The following ABCC1 variants were observed in gnomAD, a reference collection of about 807,000 sequenced individuals.
ABCC1 encodes the protein multidrug resistance-associated protein 1.
ABCC1 carries 83 observed loss-of-function variants against 172.9 expected under a neutral mutation model. The observed-to-expected ratio is 0.48, with a 90% CI of 0.40 to 0.58. ABCC1 has a LOEUF of 0.58. Ranked by LOEUF, ABCC1 falls within the 20% of genes least tolerant of loss-of-function variation. The probability of loss-of-function intolerance (pLI) is 0.00; values close to 1 mark genes in which losing one functional copy is unlikely to be tolerated. For synonymous variants in ABCC1, 937 were observed against 825.2 expected, an observed-to-expected ratio of 1.14 and a Z score of -2.32; for missense variants, 1,817 against 2,002.7, an observed-to-expected ratio of 0.91 and a Z score of 1.77.
chr16:16,105,736 G>C (rs1285352537), intron 20 of ABCC1, among the ~76,000 whole-genome samples: 1 of 129,500 alleles, frequency 7.7e-6, no homozygotes, highest in African/African-American at 3.0e-5. Flanking sequence ...TTTTTGACAT[G>C]AGTCTCCCTC....
intron 1 of ABCC1, among the ~76,000 whole-genome samples, chr16:15,956,626 T>G (rs561290600): frequency 6.6e-6 from 1 of 152,094 alleles, no homozygotes; most frequent in Non-Finnish European, 1.5e-5. Flanking sequence ...CGTGAGCCAC[T>G]GCACTTGGCC....
chr16:16,046,687 T>C (rs2049223357), intron 9 of ABCC1, among the ~76,000 whole-genome samples: 1 of 152,122 alleles, frequency 6.6e-6, no homozygotes, highest in African/African-American at 2.4e-5. Flanking sequence ...GCACATTCCT[T>C]GCATGGTAAG....
chr16:16,015,263 C>T (rs1324729532), intron 4 of ABCC1, among the ~76,000 whole-genome samples: 1 of 152,080 alleles, frequency 6.6e-6, no homozygotes, highest in Non-Finnish European at 1.5e-5. Flanking sequence ...CCTCAGCCTC[C>T]CCAGTAGCTG....
chr16:15,987,057 C>G (rs993340866), intron 1 of ABCC1, among the ~76,000 whole-genome samples: 1 of 152,074 alleles, frequency 6.6e-6, no homozygotes, highest in Non-Finnish European at 1.5e-5. Flanking sequence ...CCCAGCTACT[C>G]AGGAGGCTGA....
intron 1 of ABCC1, among the ~76,000 whole-genome samples, chr16:15,983,055 G>T (rs1217128647): frequency 6.6e-6 from 1 of 152,028 alleles, no homozygotes; most frequent in Non-Finnish European, 1.5e-5. Flanking sequence ...AATATTTGAT[G>T]AAAAAATCTG....
intron 3 of ABCC1, among the ~76,000 whole-genome samples, chr16:16,012,130 T>C (rs910680188): frequency 1.3e-5 from 2 of 152,178 alleles, no homozygotes; most frequent in East Asian, 1.9e-4. Context: ...AGCACACATA[T>C]GTGCTGTCCA....
At chr16:16,107,899 A>AC (rs1054835668) in intron 21 of ABCC1, among the ~76,000 whole-genome samples, 3 of 151,780 alleles carry the variant, frequency 2.0e-5, no homozygotes, top group Admixed American at 2.0e-4. Flanking sequence ...ACAAAAAAAA[A>AC]AACATGAAAG....
At chr16:16,095,808 A>C (rs940905006) in intron 19 of ABCC1, among the ~76,000 whole-genome samples, 12 of 152,116 alleles carry the variant, frequency 7.9e-5, no homozygotes, top group Non-Finnish European at 2.9e-5. Context: ...CTGGGATTAT[A>C]AGCATGAGTC....
chr16:15,954,885 G>C (rs1426442144), intron 1 of ABCC1, among the ~76,000 whole-genome samples: 1 of 152,196 alleles, frequency 6.6e-6, no homozygotes, highest in Non-Finnish European at 1.5e-5. Context: ...TGTTCCTAAA[G>C]AACGTGAGCT....
At chr16:16,076,205 T>C (rs949467360) in intron 14 of ABCC1, 121 bp from the exon 15 acceptor site, 28 of 923,982 alleles carry the variant, frequency 3.0e-5, no homozygotes, top group Non-Finnish European at 4.2e-5. Flanking sequence ...CAGATAATAA[T>C]GCCTAGCGCC....
At chr16:16,135,825 C>A (rs888700924) in intron 28 of ABCC1, among the ~76,000 whole-genome samples, 6 of 152,122 alleles carry the variant, frequency 3.9e-5, no homozygotes, top group Non-Finnish European at 8.8e-5. Flanking sequence ...GTGTAATCTT[C>A]CCTAAAGTGT....
chr16:16,015,712 C>T (rs943699441), intron 4 of ABCC1, among the ~76,000 whole-genome samples: 1 of 152,152 alleles, frequency 6.6e-6, no homozygotes, highest in Non-Finnish European at 1.5e-5. Flanking sequence ...GGATTGGAGA[C>T]TCGTTGGTTG....
chr16:16,120,346 G>T (rs774889705), intron 23 of ABCC1, among the ~76,000 whole-genome samples: 1 of 152,204 alleles, frequency 6.6e-6, no homozygotes, highest in African/African-American at 2.4e-5. Context: ...AAAAACCTAG[G>T]CTAGGAGAGC....
At position 16,138,373 on chromosome 16, in the gene ABCC1, G is replaced by A; in HGVS notation, c.4302G>A (p.Gln1434=). Residue 1434 remains glutamine, a synonymous_variant, in exon 30 of 31, where the codon CAG becomes CAA. Coordinates refer to ENST00000399410, the MANE Select transcript of ABCC1 (RefSeq NM_004996.4). Reference sequence around the variant, plus strand: ...TTTTCTTCCGGTCAAGTGTCGGGCAGCGCCAGCTTGTGTGCCTAGCCCGGG... The same window carrying A: ...TTTTCTTCCGGTCAAGTGTCGGGCAACGCCAGCTTGTGTGCCTAGCCCGGG... ...AEGGENLSVG[Q]RQLVCLARAL... is the part of the protein sequence containing the mutation. The A allele has an allele frequency of 6.3e-7, 1 of 1,588,294 alleles. No individual in the cohort carries two copies. The highest frequency in any genetic ancestry group is 8.6e-7 in the Non-Finnish European group (1 of 1,159,324).
Position 15,954,443 on chromosome 16 carries a change from C to T in ABCC1, c.48+4644C>T, listed in dbSNP as rs193015359. Among the ~76,000 whole-genome samples, 279 of 152,282 alleles carry T rather than the reference C, an allele frequency of 1.8e-3. 1 individual carries two copies. Among genetic ancestry groups the T allele is most frequent in the Non-Finnish European group, 3.1e-3 (211 of 68,010 alleles). Reference sequence around the variant, plus strand: ...CTTGGGGGGCCCTCCTCTCCACCCACCCCATTTCGTGGATGTGGACACTGA... The same window carrying T: ...CTTGGGGGGCCCTCCTCTCCACCCATCCCATTTCGTGGATGTGGACACTGA... On this transcript the variant is annotated intron_variant, in intron 1 of 30. Coordinates refer to ENST00000399410, the MANE Select transcript of ABCC1 (RefSeq NM_004996.4).
At chr16:15,966,054 C>T (rs535433774) in intron 1 of ABCC1, among the ~76,000 whole-genome samples, 4 of 152,070 alleles carry the variant, frequency 2.6e-5, no homozygotes, top group East Asian at 3.9e-4. Flanking sequence ...CCCAGCTCAC[C>T]GTTCTAGCAG....
intron 21 of ABCC1, among the ~76,000 whole-genome samples, chr16:16,107,673 A>G (rs2052192302): frequency 1.3e-5 from 2 of 152,022 alleles, no homozygotes; most frequent in South Asian, 2.1e-4. Context: ...CAACCTATCA[A>G]CCACTATCCT....
intron 1 of ABCC1, among the ~76,000 whole-genome samples, chr16:15,995,118 C>T (rs950916653): frequency 2.6e-5 from 4 of 151,690 alleles, no homozygotes; most frequent in East Asian, 2.0e-4. Flanking sequence ...GCAACAAGAG[C>T]GAAACTCCGT....
At chr16:16,039,382 C>T (rs866559876) in intron 7 of ABCC1, among the ~76,000 whole-genome samples, 1 of 151,236 alleles carries the variant, frequency 6.6e-6, no homozygotes, top group Middle Eastern at 3.4e-3. Context: ...ATTCTTCTGC[C>T]CCGGTCTCCC....
Sources: gnomAD v4.1 joint callset for allele counts (sites outside exome capture counted in the v4.1 genomes callset) on GRCh38, gnomAD v4.1.1 for gene constraint, MANE v1.5 for transcripts, NCBI Gene and HGNC (gene_info 2026-07-23, HGNC 2026-07-21) for gene names.